Variants in MAPRE2 observed in about 807,000 individuals in gnomAD.
The protein encoded by MAPRE2 is microtubule associated protein RP/EB family member 2.
MAPRE2 carries 13 observed loss-of-function variants against 43.2 expected under a neutral mutation model. That is an observed-to-expected ratio of 0.30 (90% CI 0.20 to 0.48). MAPRE2 has a LOEUF of 0.48. Ranked by LOEUF, MAPRE2 falls within the 20% of genes least tolerant of loss-of-function variation. The pLI, the probability that MAPRE2 is intolerant of heterozygous loss-of-function variation, is 0.99. For synonymous variants in MAPRE2, 135 were observed against 148.8 expected (o/e 0.91, Z 0.68); for missense variants, 161 against 400.2 (o/e 0.40, Z 5.10).
chr18:35,041,483 C>G lies in MAPRE2; in HGVS notation c.-57C>G. ...CAGGCGAGCGAGCGGGAAGACGCAG[C>G]CACCTTCCTCACCAGCCAGCCCACA... On this transcript the variant is annotated 5_prime_UTR_variant, in exon 1 of 7. Transcript: ENST00000300249. 5 of 1,612,780 alleles carry G rather than the reference C, an allele frequency of 3.1e-6. No individual in the cohort carries two copies. The South Asian group carries it at 5.5e-5, about 18-fold the overall frequency.
chr18:35,059,959 C>T (rs1906436831), intron 1 of MAPRE2, among the ~76,000 whole-genome samples: 1 of 152,108 alleles, frequency 6.6e-6, no homozygotes, highest in Non-Finnish European at 1.5e-5. Context: ...GAGGTGGGGA[C>T]CACTCCTACA....
intron 1 of MAPRE2, among the ~76,000 whole-genome samples, chr18:34,979,268 A>G (rs1942532113): frequency 6.6e-6 from 1 of 152,164 alleles, no homozygotes. Flanking sequence ...AGAAACTTCC[A>G]TTCCTGTGAT....
chr18:35,065,786 T>G (rs1448259901), intron 1 of MAPRE2, among the ~76,000 whole-genome samples: 1 of 152,204 alleles, frequency 6.6e-6, no homozygotes, highest in Non-Finnish European at 1.5e-5. Context: ...ACTCCGGACC[T>G]CAGGTGATCC....
At chr18:35,043,573 C>T (rs1233605556) in intron 1 of MAPRE2, among the ~76,000 whole-genome samples, 1 of 152,164 alleles carries the variant, frequency 6.6e-6, no homozygotes, top group East Asian at 1.9e-4. Flanking sequence ...TTGCAGTTTG[C>T]TTTCTGAGTC....
intron 2 of MAPRE2, among the ~76,000 whole-genome samples, chr18:35,090,079 TAGTC>T (rs983576535): frequency 6.6e-6 from 1 of 152,146 alleles, no homozygotes; most frequent in Non-Finnish European, 1.5e-5. Flanking sequence ...TTGTCCAGAA[TAGTC>T]AGATCCATAG....
chr18:35,104,226 T>C (rs766631346), intron 4 of MAPRE2, among the ~76,000 whole-genome samples: 1 of 152,118 alleles, frequency 6.6e-6, no homozygotes, highest in African/African-American at 2.4e-5. Context: ...TGATTAATAG[T>C]CCCTCAGAGA....
chr18:34,987,147 A>C lies in MAPRE2; in HGVS notation c.-70+10068A>C, dbSNP rs770155199. On this transcript the variant is annotated intron_variant, in intron 1 of 7. Coordinates refer to the MAPRE2 transcript ENST00000413393. ...TGTTTTTAATTTTGTAAGATATTTT[A>C]AAGTACTTTCTATTCTTTCACCAAT... Among the ~76,000 whole-genome samples, 10 of 152,244 alleles carry C rather than the reference A, an allele frequency of 6.6e-5. 1 individual carries two copies. The South Asian group carries it at 1.0e-3, about 16-fold the overall frequency.
At chr18:35,056,979 A>G (rs1906264047) in intron 1 of MAPRE2, among the ~76,000 whole-genome samples, 1 of 152,096 alleles carries the variant, frequency 6.6e-6, no homozygotes, top group African/African-American at 2.4e-5. Flanking sequence ...TCCCAAACCC[A>G]TGGTCTTACC....
intron 2 of MAPRE2, among the ~76,000 whole-genome samples, chr18:35,096,766 T>C (rs1271535864): frequency 6.6e-6 from 1 of 151,896 alleles, no homozygotes; most frequent in African/African-American, 2.4e-5. Context: ...AGGTAATAAG[T>C]ATAAGTAATA....
intron 1 of MAPRE2, among the ~76,000 whole-genome samples, chr18:34,992,144 ATTGTTACTATCATG>A (rs2097024151): frequency 6.6e-6 from 1 of 152,220 alleles, no homozygotes; most frequent in Non-Finnish European, 1.5e-5. Context: ...TTATGTAAAT[ATTGTTACTATCATG>A]AGTAGAGGCT....
chr18:35,096,175 TAGA>T (rs769952306), intron 2 of MAPRE2, among the ~76,000 whole-genome samples: 2 of 152,036 alleles, frequency 1.3e-5, no homozygotes, highest in South Asian at 2.1e-4. Flanking sequence ...GTCACCCAAG[TAGA>T]AGGACTGGCT....
intron 2 of MAPRE2, among the ~76,000 whole-genome samples, chr18:35,020,979 G>A (rs1603390844): frequency 6.6e-6 from 1 of 152,246 alleles, no homozygotes; most frequent in East Asian, 1.9e-4. Context: ...GGGTATCCTG[G>A]AATGTTCAAA....
At chr18:35,007,111 G>T (rs1198887091) in intron 2 of MAPRE2, among the ~76,000 whole-genome samples, 1 of 152,216 alleles carries the variant, frequency 6.6e-6, no homozygotes, top group African/African-American at 2.4e-5. Flanking sequence ...GAACCAGGAA[G>T]AGAAACCACC....
At chr18:34,991,342 A>G (rs148446973) in intron 1 of MAPRE2, among the ~76,000 whole-genome samples, 44 of 152,268 alleles carry the variant, frequency 2.9e-4, no homozygotes, top group Non-Finnish European at 4.9e-4. Flanking sequence ...TCGTTCACTG[A>G]GCCTGTTTTG....
At chr18:35,008,957 T>C (rs1026735539) in intron 2 of MAPRE2, among the ~76,000 whole-genome samples, 7 of 147,852 alleles carry the variant, frequency 4.7e-5, no homozygotes, top group Admixed American at 4.2e-4. Flanking sequence ...GGGGTGTGTG[T>C]GTGTGTGCAT....
chr18:35,090,120 A>G (rs1426363750), intron 2 of MAPRE2, among the ~76,000 whole-genome samples: 1 of 152,176 alleles, frequency 6.6e-6, no homozygotes, highest in African/African-American at 2.4e-5. Flanking sequence ...AGTGGTTGCC[A>G]GGGCCTGGAG....
intron 1 of MAPRE2, among the ~76,000 whole-genome samples, chr18:35,067,511 T>C (rs984662171): frequency 1.3e-5 from 2 of 152,210 alleles, no homozygotes; most frequent in Admixed American, 6.5e-5. Flanking sequence ...CTCACTTGTG[T>C]ATGGGTTATT....
At chr18:35,118,758 A>G (rs527651140) in intron 4 of MAPRE2, among the ~76,000 whole-genome samples, 1 of 152,148 alleles carries the variant, frequency 6.6e-6, no homozygotes, top group East Asian at 1.9e-4. Context: ...CCCTTCCAGT[A>G]CATCTCTGAC....
chr18:35,097,411 A>G (rs1215676197), intron 2 of MAPRE2, 35 bp from the exon 3 acceptor site: 1 of 1,602,540 alleles, frequency 6.2e-7, no homozygotes, highest in Non-Finnish European at 8.5e-7. Context: ...GGGTACAGTG[A>G]GACTCACTCC....
Sources: allele counts gnomAD v4.1 joint callset (sites outside exome capture counted in the v4.1 genomes callset), GRCh38; gene constraint gnomAD v4.1.1; transcripts MANE v1.5; gene names NCBI Gene and HGNC (gene_info 2026-07-23, HGNC 2026-07-21).